Variants in C1orf21 observed in about 807,000 individuals in gnomAD.
C1orf21 encodes uncharacterized protein C1orf21.
Under a neutral mutation model 18.7 loss-of-function variants are expected in C1orf21, and 3 were observed. That is an observed-to-expected ratio of 0.16 (90% CI 0.07 to 0.42). The LOEUF (loss-of-function observed/expected upper bound fraction) is 0.42, where lower values mean the gene tolerates loss of function less well. Among genes scored for constraint, C1orf21 ranks in the 10% least tolerant of loss-of-function variants. The pLI is 0.99. For missense variants in C1orf21, 104 were observed against 143.6 expected, an observed-to-expected ratio of 0.72 and a Z score of 1.41; for synonymous variants, 41 against 46.4, an observed-to-expected ratio of 0.88 and a Z score of 0.47.
At position 184,570,681 on chromosome 1, in the gene C1orf21, G is replaced by A. The variant is rs151276117; in HGVS notation, c.190-20058G>A. 2.6e-5 allele frequency among the ~76,000 whole-genome samples: 4 copies of A among 152,290 alleles called. No individual in the cohort carries two copies. The South Asian group carries it at 6.2e-4, about 24-fold the overall frequency. ...CTATAGTCCTCAGAATTAAAGCATA[G>A]TGAACAGGAAAGAAAAGGAAAATAA... On this transcript the variant is annotated intron_variant, in intron 3 of 5. Transcript: ENST00000235307.
At chr1:184,401,617 T>G (rs916088345) in intron 1 of C1orf21, among the ~76,000 whole-genome samples, 6 of 152,304 alleles carry the variant, frequency 3.9e-5, no homozygotes, top group Non-Finnish European at 5.9e-5. Flanking sequence ...ATTATGATGT[T>G]AAGCAAATTA....
chr1:184,557,983 A>G (rs1321335099), intron 3 of C1orf21, among the ~76,000 whole-genome samples: 1 of 152,138 alleles, frequency 6.6e-6, no homozygotes, highest in Non-Finnish European at 1.5e-5. Flanking sequence ...AACAGGTTTC[A>G]TTGTGATAAA....
intron 1 of C1orf21, among the ~76,000 whole-genome samples, chr1:184,389,635 T>A (rs531205567): frequency 6.6e-6 from 1 of 152,324 alleles, no homozygotes; most frequent in East Asian, 1.9e-4. Flanking sequence ...GTTTGCTCTA[T>A]TATAATTTCC....
At chr1:184,517,334 A>G (rs1408550609) in intron 3 of C1orf21, among the ~76,000 whole-genome samples, 1 of 152,192 alleles carries the variant, frequency 6.6e-6, no homozygotes. Context: ...AGCAGCTAAT[A>G]TAACAGCAAA....
At chr1:184,522,460 G>A (rs1487579574) in intron 3 of C1orf21, among the ~76,000 whole-genome samples, 2 of 151,986 alleles carry the variant, frequency 1.3e-5, no homozygotes, top group African/African-American at 4.8e-5. Context: ...CTGAGTCTAG[G>A]GCTGGAGAAT....
chr1:184,443,908 CAG>C (rs1557973553), intron 1 of C1orf21, among the ~76,000 whole-genome samples: 3 of 152,146 alleles, frequency 2.0e-5, no homozygotes, highest in Non-Finnish European at 2.9e-5. Flanking sequence ...AATCCCATGA[CAG>C]GGGGTATATG....
At chr1:184,591,474 GAAGCTCTTA>G (rs1177458342) in intron 4 of C1orf21, among the ~76,000 whole-genome samples, 1 of 152,174 alleles carries the variant, frequency 6.6e-6, no homozygotes, top group Non-Finnish European at 1.5e-5. Context: ...CTAAAATTAA[GAAGCTCTTA>G]AAGCTCTTAA....
chr1:184,600,587 T>C (rs1401260937), intron 5 of C1orf21, among the ~76,000 whole-genome samples: 1 of 152,176 alleles, frequency 6.6e-6, no homozygotes, highest in Non-Finnish European at 1.5e-5. Context: ...TACAACAAAA[T>C]AAAGAGTAAT....
intron 1 of C1orf21, among the ~76,000 whole-genome samples, chr1:184,434,780 A>T (rs1250060936): frequency 6.6e-6 from 1 of 152,220 alleles, no homozygotes; most frequent in Non-Finnish European, 1.5e-5. Context: ...AACAGAGCTA[A>T]GACTTTCATT....
chr1:184,486,233 T>C (rs1657730806), intron 2 of C1orf21, among the ~76,000 whole-genome samples: 1 of 152,216 alleles, frequency 6.6e-6, no homozygotes, highest in African/African-American at 2.4e-5. Flanking sequence ...TGGGCCATGC[T>C]GATGCTCATT....
At chr1:184,583,156 G>T (rs1659300521) in intron 3 of C1orf21, among the ~76,000 whole-genome samples, 1 of 152,092 alleles carries the variant, frequency 6.6e-6, no homozygotes, top group Non-Finnish European at 1.5e-5. Context: ...TTTTAAAGAA[G>T]ATCCTCTTGG....
intron 3 of C1orf21, among the ~76,000 whole-genome samples, chr1:184,561,934 C>A (rs138627130): frequency 7.2e-5 from 11 of 151,992 alleles, no homozygotes; most frequent in African/African-American, 2.4e-4. Flanking sequence ...GGCACTTCCC[C>A]CCACCCCCAG....
At chr1:184,554,338 C>T (rs184990891) in intron 3 of C1orf21, among the ~76,000 whole-genome samples, 189 of 152,238 alleles carry the variant, frequency 1.2e-3, no homozygotes, top group Non-Finnish European at 2.6e-4. Flanking sequence ...CAGGCATTCC[C>T]CTGTGTTTTA....
intron 1 of C1orf21, among the ~76,000 whole-genome samples, chr1:184,436,945 G>T (rs1327850159): frequency 2.0e-5 from 3 of 152,104 alleles, no homozygotes; most frequent in Non-Finnish European, 4.4e-5. Flanking sequence ...CGGCGGGTTG[G>T]GGGGTACTTT....
intron 1 of C1orf21, among the ~76,000 whole-genome samples, chr1:184,410,805 C>CCAG (rs1656338973): frequency 1.2e-5 from 1 of 81,344 alleles, no homozygotes; most frequent in African/African-American, 1.8e-4. Context: ...ACAGGCGCCT[C>CCAG]CATGCCAGGC....
intron 3 of C1orf21, among the ~76,000 whole-genome samples, chr1:184,584,132 T>TC (rs1659320840): frequency 1.7e-5 from 1 of 60,218 alleles, no homozygotes; most frequent in Non-Finnish European, 3.1e-5. Flanking sequence ...TTGTTCTTCT[T>TC]CTTTTTTTTT....
intron 1 of C1orf21, 41 bp from the exon 2 acceptor site, chr1:184,477,345 G>A (rs1476592016): frequency 5.0e-6 from 3 of 595,106 alleles, no homozygotes; most frequent in Non-Finnish European, 5.9e-6. Context: ...GTGTTTTGCT[G>A]CAGTCACTGC....
chr1:184,511,350 G>A (rs577458969), intron 3 of C1orf21, among the ~76,000 whole-genome samples: 4 of 152,256 alleles, frequency 2.6e-5, no homozygotes, highest in South Asian at 2.1e-4. Flanking sequence ...TTGGGAACCC[G>A]CTTTCTGGTA....
intron 1 of C1orf21, among the ~76,000 whole-genome samples, chr1:184,417,320 A>G (rs1224147611): frequency 6.6e-6 from 1 of 152,146 alleles, no homozygotes; most frequent in East Asian, 1.9e-4. Flanking sequence ...CGACAATGCT[A>G]TTTTTTAAGT....
Sources: gnomAD v4.1 joint callset for allele counts (sites outside exome capture counted in the v4.1 genomes callset) on GRCh38, gnomAD v4.1.1 for gene constraint, MANE v1.5 for transcripts, NCBI Gene and HGNC (gene_info 2026-07-23, HGNC 2026-07-21) for gene names.